The following ABCG5 variants were observed in gnomAD, a reference collection of about 807,000 sequenced individuals.
The protein encoded by ABCG5 is ATP binding cassette subfamily G member 5.
ABCG5 carries 64 observed loss-of-function variants against 64.5 expected under a neutral mutation model. The observed-to-expected ratio is 0.99, with a 90% CI of 0.81 to 1.22. The LOEUF (loss-of-function observed/expected upper bound fraction) is 1.22. ABCG5 is among the 50% of genes most tolerant of loss of function. The pLI is 0.00. For missense variants in ABCG5, 908 were observed against 829.5 expected (o/e 1.09, Z -1.16); for synonymous variants, 385 against 326.3 (o/e 1.18, Z -1.94).
Position 43,838,607 on chromosome 2 carries a change from G to A in ABCG5, c.73C>T (p.Leu25=). The A allele has an allele frequency of 6.2e-7, 1 of 1,612,334 alleles. No individual in the cohort carries two copies. Among genetic ancestry groups the A allele is most frequent in the East Asian group, 2.2e-5 (1 of 44,826 alleles). Residue 25 remains leucine (L), a synonymous_variant, in exon 1 of 13, where the codon CTG becomes TTG. Transcript: ENST00000405322. The surrounding 1 kb of genome is among the most constrained non-coding windows in gnomAD (Gnocchi z 4.2). ...LQVNRGSQSS[L]EGAPATAPEP... ...GGGGCGGTGGCAGGAGCCCCCTCCAGGGAGCTCTGGGAGCCTCTGTTTACT... is the reference window on the plus strand; with the variant it reads ...GGGGCGGTGGCAGGAGCCCCCTCCAAGGAGCTCTGGGAGCCTCTGTTTACT...
downstream of ABCG5, chr2:43,810,019 A>G (rs1487075946): frequency 2.9e-6 from 3 of 1,038,528 alleles, no homozygotes; most frequent in Non-Finnish European, 3.7e-6. Flanking sequence ...AACATGTTTA[A>G]GTGGTATATA....
intron 11 of ABCG5, among the ~76,000 whole-genome samples, chr2:43,816,570 G>A (rs1283081750): frequency 3.3e-5 from 5 of 152,154 alleles, no homozygotes; most frequent in Non-Finnish European, 7.3e-5. Flanking sequence ...TTTGAACGGA[G>A]TCTTGTTCTG....
chr2:43,813,078 C>A lies in ABCG5; in HGVS notation c.*38G>T. ...GACGTTCAGAGCAGTCATGCACAGT[C>A]GGCAGCTTCACTTCCATTTTCCCAG... On this transcript the variant is annotated 3_prime_UTR_variant, in exon 13 of 13. Coordinates refer to ENST00000405322, the MANE Select transcript of ABCG5 (RefSeq NM_022436.3). 1.2e-6 allele frequency: 1 copy of A among 836,676 alleles called. No homozygotes were observed. The highest frequency in any genetic ancestry group is 1.3e-5 in the South Asian group (1 of 74,498). 51.8% of individuals were successfully genotyped at this position (836,676 alleles called of 1,614,324 possible).
In ABCG5 at chr2:43,813,243, T is replaced by G. The variant is rs369053191; in HGVS notation, c.1829A>C (p.Glu610Ala). ...AGATGTTGCACCTGGGCAGGTTTTC[T>G]CAATGAATTGAATTCCTTGAGTGAA... ...CAFTQGIQFI[E>A]KTCPGATSRF... The change falls in exon 13 of 13, where the codon GAG (glutamate) becomes GCG (alanine). Residue 610 changes from glutamate (E) to alanine (A), a missense_variant. Glu to Ala is a moderately radical substitution (Grantham distance 107). Transcript: ENST00000405322. The G allele has an allele frequency of 6.2e-7, 1 of 1,613,888 alleles. No individual in the cohort carries two copies. Among genetic ancestry groups the G allele is most frequent in the East Asian group, 2.2e-5 (1 of 44,888 alleles).
At chr2:43,809,857 A>G, downstream of ABCG5, 1 of 1,489,666 alleles carries the variant, frequency 6.7e-7, no homozygotes, top group South Asian at 1.4e-5. Context: ...ATATGTGAAG[A>G]AAGTTAAACT....
downstream of ABCG5, among the ~76,000 whole-genome samples, chr2:43,811,215 A>G (rs536526381): frequency 6.6e-6 from 1 of 152,194 alleles, no homozygotes; most frequent in Non-Finnish European, 1.5e-5. Context: ...ATTGTCTATA[A>G]CTGATGTGAC....
At chr2:43,806,424 T>G in the ABCG5 span, among the ~76,000 whole-genome samples, 47 of 152,268 alleles carry the variant, frequency 3.1e-4, no homozygotes, top group African/African-American at 1.1e-3. Context: ...GTTGGAGAAG[T>G]AAGCAAAACA....
intron 4 of ABCG5, among the ~76,000 whole-genome samples, chr2:43,830,807 C>T (rs549626711): frequency 1.3e-4 from 20 of 152,304 alleles, no homozygotes; most frequent in African/African-American, 3.1e-4. Context: ...GTAAGGTCCC[C>T]GGTGGGTTTA....
In ABCG5 at chr2:43,824,112, C is replaced by A. The variant is rs1238420833; in HGVS notation, c.1125G>T (p.Val375=). The A allele has an allele frequency of 6.2e-7, 1 of 1,614,210 alleles. No homozygotes were observed. The highest frequency in any genetic ancestry group is 1.7e-5 in the Admixed American group (1 of 60,022). The change falls in exon 9 of 13, where the codon GTG becomes GTT. Residue 375 remains valine, a synonymous_variant. Coordinates refer to ENST00000405322, the MANE Select transcript of ABCG5 (RefSeq NM_022436.3). The stretch of plus-strand genomic sequence containing the variant: ...GCTTATTTCTCACCAAGTTTCTTGT[C>A]ACTCTCCTGAAAACAAACAACCCTG... ...FSKLGVLLRR[V]TRNLVRNKLA... is the part of the protein sequence containing the mutation.
intron 4 of ABCG5, among the ~76,000 whole-genome samples, chr2:43,831,278 T>G (rs534883445): frequency 4.6e-5 from 7 of 152,284 alleles, no homozygotes; most frequent in South Asian, 2.1e-4. Context: ...GTTCAAGAGA[T>G]CCTCCTGCCT....
At chr2:43,814,417 C>G in intron 12 of ABCG5, 60 bp downstream of exon 12, 6 of 1,084,150 alleles carry the variant, frequency 5.5e-6, no homozygotes, top group Middle Eastern at 4.0e-4. Flanking sequence ...TACATTTCCT[C>G]CAAGAAATTG....
At chr2:43,823,659 A>C (rs1277020907) in intron 9 of ABCG5, among the ~76,000 whole-genome samples, 2 of 152,144 alleles carry the variant, frequency 1.3e-5, no homozygotes, top group Non-Finnish European at 2.9e-5. Flanking sequence ...AAAACTCCTC[A>C]AACTCTCCCC....
intron 2 of ABCG5, among the ~76,000 whole-genome samples, chr2:43,836,779 CAGT>C (rs554854644): frequency 2.0e-5 from 3 of 152,068 alleles, no homozygotes; most frequent in Non-Finnish European, 4.4e-5. Context: ...GGAGAACGGG[CAGT>C]GGATGACCTC....
intron 9 of ABCG5, among the ~76,000 whole-genome samples, chr2:43,823,563 C>A (rs529859828): frequency 6.6e-6 from 1 of 152,160 alleles, no homozygotes; most frequent in South Asian, 2.1e-4. Context: ...GAGAAGCTAA[C>A]GGTACAAAGT....
chr2:43,813,035 C>T lies in ABCG5; in HGVS notation c.*81G>A. The T allele has an allele frequency of 1.3e-6, 1 of 745,098 alleles. No individual in the cohort carries two copies. Among genetic ancestry groups the T allele is most frequent in the East Asian group, 2.6e-5 (1 of 39,092 alleles). 46.2% of individuals were successfully genotyped at this position (745,098 alleles called of 1,614,324 possible). ...GAGATGTCCTGTCAAGAAAGAAATA[C>T]ATGGCACTCTCATTTCAGACGTTCA... On this transcript the variant is annotated 3_prime_UTR_variant, in exon 13 of 13. Transcript: ENST00000405322.
At chr2:43,834,503 A>G (rs1286911039) in intron 2 of ABCG5, among the ~76,000 whole-genome samples, 1 of 152,172 alleles carries the variant, frequency 6.6e-6, no homozygotes, top group African/African-American at 2.4e-5. Context: ...AAATTTTGGG[A>G]TACTTTTTTT....
intron 6 of ABCG5, among the ~76,000 whole-genome samples, chr2:43,825,436 G>A (rs2104824612): frequency 6.6e-6 from 1 of 152,234 alleles, no homozygotes; most frequent in Non-Finnish European, 1.5e-5. Flanking sequence ...GCAAATAATA[G>A]CTAACTAAAG....
At chr2:43,826,672 G>C (rs989750236) in intron 5 of ABCG5, 151 bp from the exon 6 acceptor site, 12 of 1,238,274 alleles carry the variant, frequency 9.7e-6, no homozygotes, top group Middle Eastern at 2.5e-4. Flanking sequence ...CTTTCAGCCT[G>C]AGCTCAGGAG....
Position 43,831,819 on chromosome 2 carries a change from T to TGTA in ABCG5, c.448_450dup (p.Tyr150dup). The TGTA allele has an allele frequency of 6.3e-7, 1 of 1,589,402 alleles. No homozygotes were observed. Among genetic ancestry groups the TGTA allele is most frequent in the African/African-American group, 1.3e-5 (1 of 74,688 alleles). On this transcript the variant is annotated inframe_insertion, in exon 4 of 13. Coordinates refer to ENST00000405322, the MANE Select transcript of ABCG5 (RefSeq NM_022436.3). ...CCGCGGCGGATGGCCAGCAGCGCGG[T>TGTA]GTAGTGCAGCGTCTCGCGCACGGTG...
Sources: gnomAD v4.1 joint callset for allele counts (sites outside exome capture counted in the v4.1 genomes callset) on GRCh38, gnomAD v4.1.1 for gene constraint, Gnocchi (gnomAD v3.1) non-coding constraint, MANE v1.5 for transcripts, NCBI Gene and HGNC (gene_info 2026-07-23, HGNC 2026-07-21) for gene names.